Variants in FOXP1 observed in about 807,000 individuals in gnomAD.
FOXP1 encodes the protein forkhead box P1, also known as forkhead box protein P1.
FOXP1 carries 15 observed loss-of-function variants against 98.2 expected under a neutral mutation model. That is an observed-to-expected ratio of 0.15 (90% confidence interval 0.10 to 0.24). FOXP1 has a LOEUF of 0.24. Ranked by LOEUF, FOXP1 falls within the 10% of genes least tolerant of loss-of-function variation. The pLI is 1.00. For missense variants in FOXP1, 633 were observed against 848.5 expected, an observed-to-expected ratio of 0.75 and a Z score of 3.15; for synonymous variants, 371 against 314.5, an observed-to-expected ratio of 1.18 and a Z score of -1.90.
chr3:71,567,044 A>G (rs1187383514), intron 2 of FOXP1, among the ~76,000 whole-genome samples: 1 of 152,146 alleles, frequency 6.6e-6, no homozygotes, highest in Admixed American at 6.5e-5. Context: ...TGCTGGAATG[A>G]TGAGGATAGG....
At chr3:71,530,789 G>A (rs141030362) in intron 2 of FOXP1, among the ~76,000 whole-genome samples, 76 of 152,290 alleles carry the variant, frequency 5.0e-4, no homozygotes, top group African/African-American at 1.6e-3. Context: ...GAGATGTGCC[G>A]TACACTAACA....
At chr3:71,133,254 C>A (rs1011850196) in intron 6 of FOXP1, among the ~76,000 whole-genome samples, 1 of 152,102 alleles carries the variant, frequency 6.6e-6, no homozygotes, top group Admixed American at 6.5e-5. Context: ...GTATAAAGAC[C>A]TTCATTAGTA....
chr3:71,486,553 C>G (rs2106929528), intron 3 of FOXP1, among the ~76,000 whole-genome samples: 1 of 152,258 alleles, frequency 6.6e-6, no homozygotes. Flanking sequence ...CACGTGTTCA[C>G]CACAGTCACT....
intron 5 of FOXP1, among the ~76,000 whole-genome samples, chr3:71,241,019 G>A (rs1467209174): frequency 1.3e-5 from 2 of 151,164 alleles, no homozygotes. Flanking sequence ...GACCAGCCTG[G>A]CCAACATAGT....
chr3:71,345,993 G>A (rs905427121), intron 4 of FOXP1, among the ~76,000 whole-genome samples: 10 of 151,284 alleles, frequency 6.6e-5, no homozygotes, highest in African/African-American at 2.4e-4. Flanking sequence ...GTATTTCAGA[G>A]AGAGCCGAAG....
At chr3:71,054,350 A>C (rs916811666) in intron 7 of FOXP1, among the ~76,000 whole-genome samples, 1 of 152,244 alleles carries the variant, frequency 6.6e-6, no homozygotes, top group Non-Finnish European at 1.5e-5. Flanking sequence ...CAATTCTTTC[A>C]TATTATGTGC....
intron 4 of FOXP1, among the ~76,000 whole-genome samples, chr3:71,316,281 C>A (rs1284656340): frequency 1.3e-5 from 2 of 152,200 alleles, no homozygotes; most frequent in African/African-American, 4.8e-5. Flanking sequence ...CACCCTTGAC[C>A]AGAACCTTGG....
intron 6 of FOXP1, among the ~76,000 whole-genome samples, chr3:71,137,797 TA>T (rs1298647422): frequency 2.9e-5 from 1 of 34,378 alleles, no homozygotes; most frequent in African/African-American, 3.5e-5. Flanking sequence ...TATTTATTAT[TA>T]TTTTTTTTTT....
chr3:71,294,566 C>G (rs2073091088), intron 5 of FOXP1, among the ~76,000 whole-genome samples: 1 of 152,122 alleles, frequency 6.6e-6, no homozygotes, highest in South Asian at 2.1e-4. Flanking sequence ...AGCACACACC[C>G]ACCAATAAAC....
intron 4 of FOXP1, among the ~76,000 whole-genome samples, chr3:71,343,499 C>A (rs545522873): frequency 4.0e-5 from 6 of 149,406 alleles, no homozygotes; most frequent in Non-Finnish European, 7.4e-5. Context: ...GGTTACGGGG[C>A]GGGGAAGATA....
chr3:71,412,662 A>T (rs1407063514), intron 3 of FOXP1, among the ~76,000 whole-genome samples: 1 of 152,178 alleles, frequency 6.6e-6, no homozygotes, highest in Non-Finnish European at 1.5e-5. Flanking sequence ...AAAGATATAG[A>T]AAGAAAAATG....
intron 2 of FOXP1, among the ~76,000 whole-genome samples, chr3:71,558,683 C>T (rs1459729043): frequency 1.3e-5 from 2 of 150,814 alleles, no homozygotes; most frequent in East Asian, 2.0e-4. Context: ...TTAGTAGAGA[C>T]GGGGTTTCAC....
intron 2 of FOXP1, chr3:71,572,321 T>G (rs2047398714): frequency 6.6e-6 from 1 of 152,198 alleles, no homozygotes; most frequent in Non-Finnish European, 1.5e-5. Context: ...ATGAACAAAT[T>G]ATGAAGTTCC....
At chr3:71,032,512 T>C (rs778260122) in intron 11 of FOXP1, among the ~76,000 whole-genome samples, 87 of 152,334 alleles carry the variant, frequency 5.7e-4, no homozygotes, top group Non-Finnish European at 9.7e-4. Context: ...GAGGAGAATA[T>C]AGTTTATAAT....
At chr3:71,529,157 T>C (rs545509948) in intron 2 of FOXP1, among the ~76,000 whole-genome samples, 17 of 152,342 alleles carry the variant, frequency 1.1e-4, no homozygotes, top group South Asian at 4.1e-4. Flanking sequence ...CTCCTGCCCA[T>C]TGATCTAATG....
intron 4 of FOXP1, among the ~76,000 whole-genome samples, chr3:71,350,643 T>C (rs1400121914): frequency 6.6e-6 from 1 of 152,106 alleles, no homozygotes; most frequent in Non-Finnish European, 1.5e-5. Flanking sequence ...AGGTAGGAAA[T>C]GTCATTGAAG....
chr3:71,222,464 G>C (rs1337251089), intron 5 of FOXP1, among the ~76,000 whole-genome samples: 1 of 151,962 alleles, frequency 6.6e-6, no homozygotes, highest in Non-Finnish European at 1.5e-5. Context: ...TGTCGCCCAG[G>C]CTGGAGTGCA....
In FOXP1 at chr3:70,956,772, T is replaced by A. The variant is rs1407320733; in HGVS notation, c.*2475A>T. On this transcript the variant is annotated 3_prime_UTR_variant, in exon 21 of 21. Coordinates refer to ENST00000649528, the MANE Select transcript of FOXP1 (RefSeq NM_001349338.3). Reference sequence around the variant, plus strand: ...TTTTTTTTTTTTTTTTTTTTTTTTTTTAAAGTCTTGCGTGACCACAGACTG... The same window carrying A: ...TTTTTTTTTTTTTTTTTTTTTTTTTATAAAGTCTTGCGTGACCACAGACTG... The A allele has an allele frequency of 1.2e-5, 2 of 167,426 alleles. No individual in the cohort carries two copies. Among genetic ancestry groups the A allele is most frequent in the Non-Finnish European group, 1.1e-5 (1 of 90,628 alleles). The allele number at this position is 167,426 out of a possible 1,614,324, so 10.4% of individuals were successfully genotyped here. A position where few individuals can be genotyped will look rare whatever the true frequency, so the allele number is the denominator to read the frequency against.
Position 71,247,345 on chromosome 3 carries a change from T to C in FOXP1, c.-11-48953A>G, listed in dbSNP as rs186951510. ...CTTGGCTGAGCTGCGACCTTCTGCCTGGAATGTGCCTCTTCCCTGGGCAGG... is the reference window on the plus strand; with the variant it reads ...CTTGGCTGAGCTGCGACCTTCTGCCCGGAATGTGCCTCTTCCCTGGGCAGG... On this transcript the variant is annotated intron_variant, in intron 5 of 20. Transcript: ENST00000649528. Among the ~76,000 whole-genome samples the C allele has an allele frequency of 1.7e-3, 263 of 152,274 alleles. 3 individuals are homozygous for C. Among genetic ancestry groups the C allele is most frequent in the African/African-American group, 5.8e-3 (239 of 41,558 alleles).
Sources: gnomAD v4.1 joint callset for allele counts (sites outside exome capture counted in the v4.1 genomes callset) on GRCh38, gnomAD v4.1.1 for gene constraint, MANE v1.5 for transcripts, NCBI Gene and HGNC (gene_info 2026-07-23, HGNC 2026-07-21) for gene names.